EPB41L4A: variants seen among roughly 807,000 people sequenced by gnomAD.
EPB41L4A encodes erythrocyte membrane protein band 4.1 like 4A, also known as band 4.1-like protein 4A.
Under a neutral mutation model 108.6 loss-of-function variants are expected in EPB41L4A, and 100 were observed. The ratio of observed to expected loss-of-function variants is 0.92; its 90% CI spans 0.78 to 1.09. EPB41L4A has a LOEUF of 1.09. EPB41L4A is among the 50% of genes least tolerant of loss of function. The pLI is 0.00. For missense variants in EPB41L4A, 1,030 were observed against 842.7 expected, an observed-to-expected ratio of 1.22 and a Z score of -2.75; for synonymous variants, 319 against 289.0, an observed-to-expected ratio of 1.10 and a Z score of -1.05.
chr5:112,409,597 C>T (rs1762295492), intron 1 of EPB41L4A, among the ~76,000 whole-genome samples: 1 of 152,156 alleles, frequency 6.6e-6, no homozygotes, highest in Admixed American at 6.5e-5. Flanking sequence ...CCTTCTCTTT[C>T]TCAGATTATG....
intron 1 of EPB41L4A, among the ~76,000 whole-genome samples, chr5:112,365,002 G>A (rs527549955): frequency 5.3e-5 from 8 of 152,124 alleles, no homozygotes; most frequent in Admixed American, 5.2e-4. Context: ...ATTAATAAAA[G>A]ATACCTATTT....
At position 112,419,166 on chromosome 5, in the gene EPB41L4A, G is replaced by A. The variant is rs973328216; in HGVS notation, c.-127C>T. On this transcript the variant is annotated 5_prime_UTR_variant, in exon 1 of 23. Coordinates refer to ENST00000261486, the MANE Select transcript of EPB41L4A (RefSeq NM_022140.5). ...GGCGAGGGTGAGACGAGCAGCTCCC[G>A]GCGGGGTCCGGGGACCGGCCGCCGA... The A allele has an allele frequency of 6.0e-6, 4 of 668,470 alleles. No homozygotes were observed. The highest frequency in any genetic ancestry group is 2.0e-5 in the South Asian group (1 of 50,462). The allele number at this position is 668,470 out of a possible 1,614,324, so 41.4% of individuals were successfully genotyped here.
chr5:112,398,481 C>T (rs768731797), intron 1 of EPB41L4A, among the ~76,000 whole-genome samples: 1 of 152,094 alleles, frequency 6.6e-6, no homozygotes, highest in Admixed American at 6.5e-5. Context: ...CTCTGCCTCC[C>T]GGGTTCAAGT....
At chr5:112,395,049 A>G (rs1291627280) in intron 1 of EPB41L4A, among the ~76,000 whole-genome samples, 2 of 152,252 alleles carry the variant, frequency 1.3e-5, no homozygotes, top group Non-Finnish European at 2.9e-5. Flanking sequence ...CATATGTAGA[A>G]AGTTGAAACT....
At chr5:112,168,651 A>G in intron 22 of EPB41L4A, 88 bp downstream of exon 22, 1 of 939,730 alleles carries the variant, frequency 1.1e-6, no homozygotes, top group Non-Finnish European at 1.7e-6. Flanking sequence ...TGCCTGCCCT[A>G]CCTCCCTAAA....
chr5:112,392,999 A>G (rs1179434562), intron 1 of EPB41L4A, among the ~76,000 whole-genome samples: 2 of 152,234 alleles, frequency 1.3e-5, no homozygotes, highest in African/African-American at 4.8e-5. Flanking sequence ...TACTGGGTAA[A>G]TAACAAAATG....
chr5:112,168,009 C>T (rs1760356084), intron 22 of EPB41L4A, among the ~76,000 whole-genome samples: 1 of 152,172 alleles, frequency 6.6e-6, no homozygotes, highest in Admixed American at 6.5e-5. Flanking sequence ...CACAACACGA[C>T]GAACAACGGG....
intron 1 of EPB41L4A, among the ~76,000 whole-genome samples, chr5:112,357,153 A>G (rs408076): frequency 0.62 from 94,181 of 151,968 alleles, 29,983 homozygotes; most frequent in South Asian, 0.77. Flanking sequence ...AGAGAATCAC[A>G]GCACAAACCT....
Position 112,419,173 on chromosome 5 carries a change from T to G in EPB41L4A, c.-134A>C. On this transcript the variant is annotated 5_prime_UTR_variant, in exon 1 of 23. Coordinates refer to ENST00000261486, the MANE Select transcript of EPB41L4A (RefSeq NM_022140.5). ...GTGAGACGAGCAGCTCCCGGCGGGG[T>G]CCGGGGACCGGCCGCCGAACCGCCC... 2 of 613,746 alleles carry G rather than the reference T, an allele frequency of 3.3e-6. No individual in the cohort carries two copies. The highest frequency in any genetic ancestry group is 5.5e-6 in the Non-Finnish European group (2 of 362,162). The allele number at this position is 613,746 out of a possible 1,614,324, so 38.0% of individuals were successfully genotyped here. A position where few individuals can be genotyped will look rare whatever the true frequency, so the allele number is the denominator to read the frequency against.
intron 17 of EPB41L4A, among the ~76,000 whole-genome samples, 184 bp downstream of exon 17, chr5:112,194,384 T>C (rs1396894693): frequency 6.6e-6 from 1 of 152,124 alleles, no homozygotes. Flanking sequence ...AATCATCTTA[T>C]TGTGAAGATA....
intron 1 of EPB41L4A, among the ~76,000 whole-genome samples, chr5:112,361,102 A>G (rs1758719377): frequency 6.6e-6 from 1 of 152,202 alleles, no homozygotes; most frequent in Admixed American, 6.5e-5. Flanking sequence ...GGGAAAAGAA[A>G]GAGAGATCGG....
chr5:112,239,632 T>G, intron 11 of EPB41L4A, 28 bp downstream of exon 11: 1 of 1,432,410 alleles, frequency 7.0e-7, no homozygotes, highest in Admixed American at 2.0e-5. Context: ...TACAAACACA[T>G]CCCCCCAAGG....
At chr5:112,243,290 TA>T (rs200864179) in intron 9 of EPB41L4A, among the ~76,000 whole-genome samples, 871 of 76,086 alleles carry the variant, frequency 0.011, 3 homozygotes, top group Middle Eastern at 0.021. Context: ...TATATATATA[TA>T]TTTTGTTTGT....
At chr5:112,410,312 C>T (rs960546540) in intron 1 of EPB41L4A, among the ~76,000 whole-genome samples, 2 of 152,088 alleles carry the variant, frequency 1.3e-5, no homozygotes, top group African/African-American at 4.8e-5. Context: ...GAATTTAACC[C>T]AAGCACAGAG....
At chr5:112,233,257 A>G (rs1749088313) in intron 12 of EPB41L4A, among the ~76,000 whole-genome samples, 1 of 152,252 alleles carries the variant, frequency 6.6e-6, no homozygotes, top group South Asian at 2.1e-4. Context: ...CAGGAAACTG[A>G]CAAATTATAA....
chr5:112,215,946 C>G (rs1262403614), intron 12 of EPB41L4A, among the ~76,000 whole-genome samples: 1 of 152,176 alleles, frequency 6.6e-6, no homozygotes. Context: ...TATGTGCACA[C>G]ACAATTCCCT....
At chr5:112,198,319 C>T (rs1258950508) in intron 15 of EPB41L4A, among the ~76,000 whole-genome samples, 5 of 152,200 alleles carry the variant, frequency 3.3e-5, no homozygotes, top group Non-Finnish European at 7.3e-5. Context: ...AGGCATGAGC[C>T]ACCGTACATG....
chr5:112,411,103 T>A (rs1762385317), intron 1 of EPB41L4A, among the ~76,000 whole-genome samples: 1 of 151,984 alleles, frequency 6.6e-6, no homozygotes, highest in Non-Finnish European at 1.5e-5. Flanking sequence ...ACTGATAGAG[T>A]GTGAGATCAT....
chr5:112,219,982 C>T (rs1747934972), intron 12 of EPB41L4A, among the ~76,000 whole-genome samples: 1 of 152,210 alleles, frequency 6.6e-6, no homozygotes, highest in Admixed American at 6.5e-5. Context: ...AGGCATCAGC[C>T]ACTGTGCCCT....
Sources: allele counts gnomAD v4.1 joint callset (sites outside exome capture counted in the v4.1 genomes callset), GRCh38; gene constraint gnomAD v4.1.1; transcripts MANE v1.5; gene names NCBI Gene and HGNC (gene_info 2026-07-23, HGNC 2026-07-21).